Variants in PTPRN2 observed in about 807,000 individuals in gnomAD.
PTPRN2 encodes the protein protein tyrosine phosphatase receptor type N2, also known as receptor-type tyrosine-protein phosphatase N2.
Under a neutral mutation model 118.8 loss-of-function variants are expected in PTPRN2, and 74 were observed. That is an observed-to-expected ratio of 0.62 (90% CI 0.52 to 0.76). The LOEUF (loss-of-function observed/expected upper bound fraction) is 0.76. Ranked by LOEUF, PTPRN2 falls within the 30% of genes least tolerant of loss-of-function variation. PTPRN2 has a pLI of 0.00. For missense variants in PTPRN2, 1,481 were observed against 1,394.4 expected (o/e 1.06, Z -0.99); for synonymous variants, 641 against 608.0 (o/e 1.05, Z -0.80).
chr7:158,528,473 A>C (rs1824957698), intron 1 of PTPRN2, among the ~76,000 whole-genome samples: 1 of 152,118 alleles, frequency 6.6e-6, no homozygotes, highest in African/African-American at 2.4e-5. Flanking sequence ...GTGAATGCCT[A>C]CATTTCAGCT....
At chr7:157,588,439 C>T (rs751655822) in intron 17 of PTPRN2, among the ~76,000 whole-genome samples, 13 of 152,142 alleles carry the variant, frequency 8.5e-5, no homozygotes, top group Admixed American at 1.3e-4. Context: ...CAGTCCTGCC[C>T]GCAGGGGCTT....
At chr7:158,207,557 A>G (rs1051453195) in intron 3 of PTPRN2, among the ~76,000 whole-genome samples, 1 of 152,172 alleles carries the variant, frequency 6.6e-6, no homozygotes, top group African/African-American at 2.4e-5. Flanking sequence ...TCATCTGACA[A>G]AGGGCTAATA....
At chr7:158,246,739 C>T (rs1321120125) in intron 3 of PTPRN2, among the ~76,000 whole-genome samples, 1 of 152,034 alleles carries the variant, frequency 6.6e-6, no homozygotes, top group Non-Finnish European at 1.5e-5. Flanking sequence ...GCTCTGATGA[C>T]AGCAACGACG....
intron 17 of PTPRN2, among the ~76,000 whole-genome samples, chr7:157,581,539 G>A (rs1417334873): frequency 6.6e-6 from 1 of 152,200 alleles, no homozygotes; most frequent in African/African-American, 2.4e-5. Flanking sequence ...GACGCGCCCG[G>A]CAGGGACACA....
chr7:158,351,905 C>A (rs112295461), intron 2 of PTPRN2, among the ~76,000 whole-genome samples: 1 of 115,768 alleles, frequency 8.6e-6, no homozygotes, highest in African/African-American at 3.5e-5. Flanking sequence ...CTGTCCGCTC[C>A]CCTCCTGTCC....
At chr7:157,665,705 T>C (rs1298794498) in intron 13 of PTPRN2, among the ~76,000 whole-genome samples, 1 of 152,212 alleles carries the variant, frequency 6.6e-6, no homozygotes, top group Non-Finnish European at 1.5e-5. Context: ...TGTGGCACTA[T>C]TCACAATAGT....
Position 157,676,736 on chromosome 7 carries a change from G to C in PTPRN2, c.2001+5989C>G, listed in dbSNP as rs2150795186. On this transcript the variant is annotated intron_variant, in intron 13 of 22. Transcript: ENST00000389418. This position sits in a 1 kb window ranked among gnomAD's most constrained non-coding sequence, Gnocchi z 5.6. ...GGGTTGGGAGATAATGAGATGCCTG[G>C]GGAAGGTGTCCTGGGTCCCTTTCCA... is the stretch of plus-strand genomic sequence containing the variant. 6.6e-6 allele frequency among the ~76,000 whole-genome samples: 1 copy of C among 152,334 alleles called. No individual in the cohort carries two copies.
rs775797005 is a variant in PTPRN2 at position 157,764,617 on chromosome 7, T to G, written c.1789-81680A>C. The stretch of plus-strand genomic sequence containing the variant: ...GGGACAGACTTCCAGTGTGGAAAGA[T>G]GGAAAGAGTTTTAGAAGCAGATAGT... On this transcript the variant is annotated intron_variant, in intron 12 of 22. Coordinates refer to ENST00000389418, the MANE Select transcript of PTPRN2 (RefSeq NM_002847.5). This position sits in a 1 kb window ranked among gnomAD's most constrained non-coding sequence, Gnocchi z 4.5. Among the ~76,000 whole-genome samples the G allele has an allele frequency of 8.5e-5, 13 of 152,224 alleles. No homozygotes were observed. The highest frequency in any genetic ancestry group is 1.8e-4 in the Non-Finnish European group (12 of 68,016).
chr7:157,914,154 C>T (rs1798261983), intron 11 of PTPRN2, among the ~76,000 whole-genome samples: 1 of 152,178 alleles, frequency 6.6e-6, no homozygotes, highest in African/African-American at 2.4e-5. Context: ...ATTCCCTCCT[C>T]TCTTTTTTAA....
intron 11 of PTPRN2, among the ~76,000 whole-genome samples, chr7:158,074,635 G>C (rs75065025): frequency 0.015 from 2,281 of 152,250 alleles, 32 homozygotes; most frequent in East Asian, 0.078. Context: ...CGAGGTGGAG[G>C]GGAAGCTGGA....
intron 2 of PTPRN2, among the ~76,000 whole-genome samples, chr7:158,403,010 A>C (rs1813067051): frequency 6.6e-6 from 1 of 152,018 alleles, no homozygotes; most frequent in East Asian, 1.9e-4. Context: ...ATCCCTTACA[A>C]CCAAACACAG....
At chr7:158,024,275 A>C (rs1416622440) in intron 11 of PTPRN2, among the ~76,000 whole-genome samples, 1 of 152,222 alleles carries the variant, frequency 6.6e-6, no homozygotes, top group African/African-American at 2.4e-5. Context: ...CTGGATGGCC[A>C]GTGCTGACTT....
At chr7:158,443,755 C>T (rs1029719170) in intron 2 of PTPRN2, among the ~76,000 whole-genome samples, 10 of 152,186 alleles carry the variant, frequency 6.6e-5, no homozygotes, top group African/African-American at 2.4e-4. Context: ...GGTTCCAAGG[C>T]CTGTGGCCAG....
intron 11 of PTPRN2, among the ~76,000 whole-genome samples, chr7:158,056,287 G>A (rs73171551): frequency 0.13 from 20,288 of 152,142 alleles, 1,929 homozygotes; most frequent in African/African-American, 0.27. Context: ...ATGGCCACCA[G>A]GCACTCCCCG....
intron 14 of PTPRN2, among the ~76,000 whole-genome samples, chr7:157,638,556 G>A (rs753864755): frequency 1.1e-4 from 17 of 152,252 alleles, no homozygotes; most frequent in Non-Finnish European, 1.9e-4. Flanking sequence ...GAGGAGAAGA[G>A]AACAGAGAGC....
intron 2 of PTPRN2, among the ~76,000 whole-genome samples, chr7:158,428,061 C>CT (rs1380892743): frequency 1.3e-5 from 2 of 152,344 alleles, no homozygotes; most frequent in East Asian, 3.9e-4. Flanking sequence ...CCGCCGAGGA[C>CT]TTACATTCTG....
At chr7:157,713,738 C>G (rs1207385957) in intron 12 of PTPRN2, among the ~76,000 whole-genome samples, 1 of 152,228 alleles carries the variant, frequency 6.6e-6, no homozygotes, top group African/African-American at 2.4e-5. Flanking sequence ...ATCCCTCAGA[C>G]ATTCCCGACA....
chr7:157,941,275 G>A (rs1392263921), intron 11 of PTPRN2, among the ~76,000 whole-genome samples: 1 of 53,680 alleles, frequency 1.9e-5, no homozygotes, highest in Non-Finnish European at 2.9e-5. Flanking sequence ...TCCCCACCAC[G>A]ACACTGCAAA....
intron 13 of PTPRN2, among the ~76,000 whole-genome samples, chr7:157,670,880 G>A (rs1436979533): frequency 6.6e-6 from 1 of 152,206 alleles, no homozygotes; most frequent in Non-Finnish European, 1.5e-5. Context: ...GAGCAGCCCA[G>A]GCCTGACGTG....
Sources: allele counts gnomAD v4.1 joint callset (sites outside exome capture counted in the v4.1 genomes callset), GRCh38; gene constraint gnomAD v4.1.1; non-coding constraint Gnocchi (gnomAD v3.1); transcripts MANE v1.5; gene names NCBI Gene and HGNC (gene_info 2026-07-23, HGNC 2026-07-21).